The following HPSE2 variants were observed in gnomAD, a reference collection of about 807,000 sequenced individuals.
HPSE2 encodes heparanase 2 (inactive), also known as inactive heparanase-2.
Under a neutral mutation model 60.5 loss-of-function variants are expected in HPSE2, and 38 were observed. The ratio of observed to expected loss-of-function variants is 0.63; its 90% CI spans 0.48 to 0.82. HPSE2 has a LOEUF of 0.82. Among genes scored for constraint, HPSE2 ranks in the 40% least tolerant of loss-of-function variants. The probability of loss-of-function intolerance (pLI) is 0.00; values close to 1 mark genes in which losing one functional copy is unlikely to be tolerated. For missense variants in HPSE2, 713 were observed against 740.4 expected (o/e 0.96, Z 0.43); for synonymous variants, 295 against 293.2 (o/e 1.01, Z -0.06).
At chr10:98,513,151 G>C (rs934688818) in intron 9 of HPSE2, among the ~76,000 whole-genome samples, 6 of 152,142 alleles carry the variant, frequency 3.9e-5, no homozygotes, top group Admixed American at 3.9e-4. Context: ...TTCAATAAAC[G>C]GTTGTAACTA....
chr10:98,698,837 C>G (rs1014560279), intron 5 of HPSE2, among the ~76,000 whole-genome samples: 1 of 152,216 alleles, frequency 6.6e-6, no homozygotes, highest in Non-Finnish European at 1.5e-5. Context: ...GAAATACAAA[C>G]TACCATCAGA....
intron 3 of HPSE2, among the ~76,000 whole-genome samples, chr10:99,122,886 C>G (rs940072299): frequency 1.3e-5 from 2 of 151,866 alleles, no homozygotes; most frequent in African/African-American, 2.4e-5. Flanking sequence ...ATAAGCCTTA[C>G]CAGAAATCAA....
chr10:99,092,166 T>C (rs1359123177), intron 3 of HPSE2, among the ~76,000 whole-genome samples: 1 of 152,142 alleles, frequency 6.6e-6, no homozygotes, highest in African/African-American at 2.4e-5. Flanking sequence ...ATAAGTCCTA[T>C]AGGAAAAACT....
rs374905551 is a variant in HPSE2 at position 98,758,475 on chromosome 10, C to A, written c.611-14419G>T. On this transcript the variant is annotated intron_variant, in intron 3 of 11. Coordinates refer to ENST00000370552, the MANE Select transcript of HPSE2 (RefSeq NM_021828.5). Reference sequence around the variant, plus strand: ...ATCCAGAATATATAAGGAACTTGAACAAATTAACAAGCAAAAGCCAAACAA... The same window carrying A: ...ATCCAGAATATATAAGGAACTTGAAAAAATTAACAAGCAAAAGCCAAACAA... 3.3e-5 allele frequency among the ~76,000 whole-genome samples: 5 copies of A among 152,140 alleles called. No homozygotes were observed. The East Asian group carries it at 9.6e-4, about 29-fold the overall frequency.
chr10:99,172,868 T>A (rs1488577476), intron 2 of HPSE2, among the ~76,000 whole-genome samples: 2 of 150,174 alleles, frequency 1.3e-5, no homozygotes, highest in African/African-American at 2.4e-5. Context: ...AGAGTGAAAC[T>A]CTGTCTCAAA....
intron 2 of HPSE2, among the ~76,000 whole-genome samples, chr10:99,231,975 T>C (rs1206362931): frequency 6.6e-6 from 1 of 151,850 alleles, no homozygotes; most frequent in Non-Finnish European, 1.5e-5. Flanking sequence ...AAAAACCTGC[T>C]GCATCTACAC....
chr10:98,698,702 G>A (rs1338147578), intron 5 of HPSE2, among the ~76,000 whole-genome samples: 1 of 152,130 alleles, frequency 6.6e-6, no homozygotes, highest in African/African-American at 2.4e-5. Flanking sequence ...GAATCCAGGA[G>A]CTGGTTTTCT....
chr10:98,633,443 G>A (rs968055840), intron 7 of HPSE2, among the ~76,000 whole-genome samples: 7 of 152,076 alleles, frequency 4.6e-5, no homozygotes, highest in Non-Finnish European at 1.0e-4. Context: ...CGAACTCCTG[G>A]CTCAAATGAT....
chr10:98,954,771 T>C (rs1400103720), intron 3 of HPSE2, among the ~76,000 whole-genome samples: 1 of 151,946 alleles, frequency 6.6e-6, no homozygotes, highest in African/African-American at 2.4e-5. Context: ...GTCAGTACAA[T>C]ATAAACTCCG....
chr10:98,759,988 T>C (rs1049579368), intron 3 of HPSE2, among the ~76,000 whole-genome samples: 2 of 152,114 alleles, frequency 1.3e-5, no homozygotes, highest in Admixed American at 1.3e-4. Flanking sequence ...GTTTTTAGTA[T>C]GCAAATCTTT....
At chr10:99,292,346 T>A in the HPSE2 span, among the ~76,000 whole-genome samples, 1 of 152,226 alleles carries the variant, frequency 6.6e-6, no homozygotes, top group African/African-American at 2.4e-5. Context: ...TGTATAACAC[T>A]CTTCTAAGCC....
At position 99,103,019 on chromosome 10, in the gene HPSE2, C is replaced by T. The variant is rs906743738; in HGVS notation, c.610+41219G>A. Reference sequence around the variant, plus strand: ...GAGCTATTTATGACAAACCCACAGCCAATATCATACTGAATGGGCAAAAAC... The same window carrying T: ...GAGCTATTTATGACAAACCCACAGCTAATATCATACTGAATGGGCAAAAAC... On this transcript the variant is annotated intron_variant, in intron 3 of 11. Coordinates refer to ENST00000370552, the MANE Select transcript of HPSE2 (RefSeq NM_021828.5). 7.2e-5 allele frequency among the ~76,000 whole-genome samples: 11 copies of T among 152,262 alleles called. No homozygotes were observed. The South Asian group carries it at 1.0e-3, about 14-fold the overall frequency.
chr10:98,470,494 G>T (rs984316075), intron 11 of HPSE2, among the ~76,000 whole-genome samples: 1 of 152,226 alleles, frequency 6.6e-6, no homozygotes, highest in Non-Finnish European at 1.5e-5. Flanking sequence ...AGCAGCCAAA[G>T]AAACACCAAT....
At chr10:99,259,955 A>T in the HPSE2 span, among the ~76,000 whole-genome samples, 2 of 151,964 alleles carry the variant, frequency 1.3e-5, no homozygotes, top group African/African-American at 4.8e-5. Context: ...AATCATCCCC[A>T]CCCTCAACCC....
At chr10:99,250,086 T>G in the HPSE2 span, among the ~76,000 whole-genome samples, 2 of 148,036 alleles carry the variant, frequency 1.4e-5, no homozygotes, top group Non-Finnish European at 3.0e-5. Context: ...GAGGTCACAG[T>G]GAGCTGAGAT....
At chr10:98,813,727 C>A (rs1951220216) in intron 3 of HPSE2, among the ~76,000 whole-genome samples, 1 of 152,168 alleles carries the variant, frequency 6.6e-6, no homozygotes, top group Non-Finnish European at 1.5e-5. Context: ...TGACAGTTCC[C>A]TGAACTTTTT....
intron 3 of HPSE2, among the ~76,000 whole-genome samples, chr10:99,056,891 A>C (rs1400909563): frequency 6.6e-6 from 1 of 152,230 alleles, no homozygotes; most frequent in Non-Finnish European, 1.5e-5. Context: ...CATACAATGG[A>C]AAACAACCCA....
chr10:99,232,612 G>T, intron 1 of HPSE2, 107 bp from the exon 2 acceptor site: 3 of 1,286,624 alleles, frequency 2.3e-6, no homozygotes, highest in Non-Finnish European at 3.3e-6. Context: ...CCTGGCCGGG[G>T]CTAGAGGCTC....
intron 3 of HPSE2, among the ~76,000 whole-genome samples, chr10:98,783,238 A>T (rs1950524168): frequency 2.0e-4 from 15 of 76,784 alleles, no homozygotes; most frequent in Admixed American, 3.1e-4. Flanking sequence ...ATGGTTTCCA[A>T]TTTCATCCAT....
Sources: gnomAD v4.1 joint callset for allele counts (sites outside exome capture counted in the v4.1 genomes callset) on GRCh38, gnomAD v4.1.1 for gene constraint, MANE v1.5 for transcripts, NCBI Gene and HGNC (gene_info 2026-07-23, HGNC 2026-07-21) for gene names.